The following GNPTAB variants were observed in gnomAD, a reference collection of about 807,000 sequenced individuals.
The protein encoded by GNPTAB is N-acetylglucosamine-1-phosphotransferase subunits alpha/beta.
Under a neutral mutation model 136.6 loss-of-function variants are expected in GNPTAB, and 92 were observed. That is an observed-to-expected ratio of 0.67 (90% CI 0.57 to 0.80). GNPTAB has a LOEUF of 0.80. GNPTAB is among the 30% of genes least tolerant of loss of function. GNPTAB has a pLI of 0.00. For synonymous variants in GNPTAB, 512 were observed against 535.1 expected (o/e 0.96, Z 0.60); for missense variants, 1,343 against 1,501.8 (o/e 0.89, Z 1.75).
At chr12:101,797,454 G>A (rs1047243760) in intron 1 of GNPTAB, among the ~76,000 whole-genome samples, 2 of 151,982 alleles carry the variant, frequency 1.3e-5, no homozygotes, top group Non-Finnish European at 2.9e-5. Flanking sequence ...GTGAAACCCC[G>A]TCTCTACTAA....
intron 2 of GNPTAB, chr12:101,796,163 G>A (rs1036994044): frequency 2.6e-5 from 18 of 697,800 alleles, no homozygotes; most frequent in African/African-American, 8.8e-5. Flanking sequence ...TTCACAGGAC[G>A]CTGTCAACAG....
Position 101,796,407 on chromosome 12 carries a change from T to A in GNPTAB, c.203+270A>T, listed in dbSNP as rs138206547. The A allele has an allele frequency of 4.9e-4, 319 of 645,204 alleles. No homozygotes were observed. In the East Asian group the frequency reaches 7.8e-3, roughly 16 times the overall value. The allele number at this position is 645,204 out of a possible 1,614,324, so 40.0% of individuals were successfully genotyped here. ...ATGGACATATTTTCTTTCCTTATTT[T>A]AAAAAAATATCTTACGGAATACTTC... On this transcript the variant is annotated intron_variant, in intron 2 of 20. Coordinates refer to ENST00000299314, the MANE Select transcript of GNPTAB (RefSeq NM_024312.5).
At chr12:101,826,655 T>A (rs145060253) in intron 1 of GNPTAB, among the ~76,000 whole-genome samples, 95 of 152,266 alleles carry the variant, frequency 6.2e-4, no homozygotes, top group African/African-American at 2.2e-3. Flanking sequence ...TTCCTGAGTG[T>A]GAAGAATTGT....
At chr12:101,799,881 G>C (rs1869514250) in intron 1 of GNPTAB, among the ~76,000 whole-genome samples, 1 of 152,052 alleles carries the variant, frequency 6.6e-6, no homozygotes, top group South Asian at 2.1e-4. Context: ...GGAGGGAAGA[G>C]GAGGGGCATA....
chr12:101,746,602 A>G lies in GNPTAB; in HGVS notation c.*562T>C, dbSNP rs1017122887. ...ACAGTCTTAAATATTAATAAAACTC[A>G]TAATTTAGGTATTGTCAATAAGAGG... On this transcript the variant is annotated 3_prime_UTR_variant, in exon 21 of 21. Coordinates refer to ENST00000299314, the MANE Select transcript of GNPTAB (RefSeq NM_024312.5). The G allele has an allele frequency of 1.3e-5, 2 of 153,596 alleles. No homozygotes were observed. Among genetic ancestry groups the G allele is most frequent in the African/African-American group, 4.8e-5 (2 of 41,462 alleles). The allele number at this position is 153,596 out of a possible 1,614,324, so 9.5% of individuals were successfully genotyped here.
chr12:101,761,419 A>G (rs1435053118), intron 14 of GNPTAB, 73 bp from the exon 15 acceptor site: 3 of 1,493,616 alleles, frequency 2.0e-6, no homozygotes, highest in Non-Finnish European at 2.8e-6. Flanking sequence ...GCAGAGATGG[A>G]CTTTTTTCTT....
chr12:101,812,228 GAC>G (rs1181354628), intron 1 of GNPTAB, among the ~76,000 whole-genome samples: 1 of 152,132 alleles, frequency 6.6e-6, no homozygotes, highest in Non-Finnish European at 1.5e-5. Context: ...TGGCCTGGGC[GAC>G]AGAGTGAGAC....
At chr12:101,811,924 C>T (rs969253915) in intron 1 of GNPTAB, among the ~76,000 whole-genome samples, 3 of 150,186 alleles carry the variant, frequency 2.0e-5, no homozygotes, top group Middle Eastern at 3.2e-3. Context: ...CAGGCTGAGC[C>T]GCTGCGTCCG....
At chr12:101,827,410 A>AT (rs376494804) in intron 1 of GNPTAB, among the ~76,000 whole-genome samples, 66 of 150,206 alleles carry the variant, frequency 4.4e-4, no homozygotes, top group East Asian at 2.7e-3. Flanking sequence ...CTTTATTTTT[A>AT]TTTTTTTTTG....
intron 1 of GNPTAB, among the ~76,000 whole-genome samples, chr12:101,811,433 G>T (rs551868765): frequency 9.0e-5 from 13 of 144,426 alleles, no homozygotes; most frequent in African/African-American, 3.1e-4. Flanking sequence ...GTCTGTTCTC[G>T]CATTGCTATA....
At position 101,801,185 on chromosome 12, in the gene GNPTAB, T is replaced by C. The variant is rs575697747; in HGVS notation, c.118-4423A>G. 1.2e-4 allele frequency among the ~76,000 whole-genome samples: 16 copies of C among 138,300 alleles called. No homozygotes were observed. In the South Asian group the frequency reaches 2.0e-3, roughly 17 times the overall value. The allele number at this position is 138,300 out of a possible 152,430, so 90.7% of individuals were successfully genotyped here. A position where few individuals can be genotyped will look rare whatever the true frequency, so the allele number is the denominator to read the frequency against. ...AGGTGGAGGCTGCAGTGAGCCATGA[T>C]TGCATCACTGCACTCCAGCCTAGGT... On this transcript the variant is annotated intron_variant, in intron 1 of 20. Coordinates refer to ENST00000299314, the MANE Select transcript of GNPTAB (RefSeq NM_024312.5).
intron 11 of GNPTAB, among the ~76,000 whole-genome samples, chr12:101,766,939 T>A (rs1446345213): frequency 2.0e-5 from 3 of 152,176 alleles, no homozygotes; most frequent in Admixed American, 6.5e-5. Context: ...CTATCAGAAC[T>A]GCCAAAAACA....
intron 1 of GNPTAB, among the ~76,000 whole-genome samples, chr12:101,824,149 C>T (rs1315091724): frequency 1.3e-5 from 2 of 152,092 alleles, no homozygotes; most frequent in African/African-American, 4.8e-5. Flanking sequence ...ATAACAAGGG[C>T]ACTCATTCCT....
At chr12:101,749,054 T>C (rs1952776349) in intron 20 of GNPTAB, 47 bp downstream of exon 20, 2 of 1,035,418 alleles carry the variant, frequency 1.9e-6, no homozygotes, top group Non-Finnish European at 3.1e-6. Flanking sequence ...GATGCTAGTA[T>C]ACCAAGAAAT....
chr12:101,789,577 T>C (rs1373561477), intron 3 of GNPTAB, among the ~76,000 whole-genome samples: 10 of 152,202 alleles, frequency 6.6e-5, no homozygotes, highest in Admixed American at 5.2e-4. Context: ...CTCAACCTCC[T>C]GAGCTCAAAT....
chr12:101,797,752 A>G (rs183876666), intron 1 of GNPTAB, among the ~76,000 whole-genome samples: 115 of 152,300 alleles, frequency 7.6e-4, no homozygotes, highest in South Asian at 3.7e-3. Flanking sequence ...CTTTAGATAG[A>G]AGTTCCCTCA....
intron 1 of GNPTAB, among the ~76,000 whole-genome samples, chr12:101,799,255 G>A (rs908045835): frequency 2.6e-5 from 4 of 152,022 alleles, no homozygotes; most frequent in African/African-American, 4.8e-5. Context: ...GGACAATAAG[G>A]GTCTAAAGCA....
chr12:101,748,555 T>C (rs1026352366), intron 20 of GNPTAB, among the ~76,000 whole-genome samples: 2 of 152,204 alleles, frequency 1.3e-5, no homozygotes, highest in Admixed American at 6.5e-5. Flanking sequence ...TCAAGGAGGC[T>C]GCGTGTGTAC....
At chr12:101,796,394 T>G (rs747267800) in intron 2 of GNPTAB, 1 of 656,862 alleles carries the variant, frequency 1.5e-6, no homozygotes, top group Non-Finnish European at 2.7e-6. Flanking sequence ...GGACATATTT[T>G]CTTTCCTTAT....
Sources: gnomAD v4.1 joint callset for allele counts (sites outside exome capture counted in the v4.1 genomes callset) on GRCh38, gnomAD v4.1.1 for gene constraint, MANE v1.5 for transcripts, NCBI Gene and HGNC (gene_info 2026-07-23, HGNC 2026-07-21) for gene names.